DIP2A: variants seen among roughly 807,000 people sequenced by gnomAD.
DIP2A encodes DIP2 acetate--CoA ligase A, also known as disco-interacting protein 2 homolog A.
DIP2A carries 85 observed loss-of-function variants against 177.4 expected under a neutral mutation model. That is an observed-to-expected ratio of 0.48 (90% confidence interval 0.40 to 0.57). The LOEUF (loss-of-function observed/expected upper bound fraction) is 0.57, where lower values mean the gene tolerates loss of function less well. Ranked by LOEUF, DIP2A falls within the 20% of genes least tolerant of loss-of-function variation. The pLI is 0.00. For missense variants in DIP2A, 1,791 were observed against 2,100.2 expected (o/e 0.85, Z 2.88); for synonymous variants, 886 against 881.8 (o/e 1.00, Z -0.08).
intron 28 of DIP2A, chr21:46,555,402 TG>T (rs1466654509): frequency 4.7e-6 from 1 of 213,566 alleles, no homozygotes; most frequent in African/African-American, 2.3e-5. Flanking sequence ...CTGGGCTGGA[TG>T]GGGCTGGGCC....
At chr21:46,496,310 C>CA (rs532484767) in intron 3 of DIP2A, among the ~76,000 whole-genome samples, 3 of 152,146 alleles carry the variant, frequency 2.0e-5, no homozygotes, top group Non-Finnish European at 4.4e-5. Flanking sequence ...CCACAGGACT[C>CA]ACGAAGAATC....
At chr21:46,489,119 G>A (rs2056861017) in intron 2 of DIP2A, among the ~76,000 whole-genome samples, 1 of 152,178 alleles carries the variant, frequency 6.6e-6, no homozygotes, top group African/African-American at 2.4e-5. Flanking sequence ...GGGTGTGTGT[G>A]TGGATGTGTG....
At chr21:46,558,132 G>T in intron 31 of DIP2A, 91 bp from the exon 32 acceptor site, 1 of 1,362,634 alleles carries the variant, frequency 7.3e-7, no homozygotes, top group Non-Finnish European at 9.8e-7. Context: ...CCACCTCTGT[G>T]TGCCCACCCG....
chr21:46,503,047 G>A (rs1439417520), intron 5 of DIP2A, among the ~76,000 whole-genome samples: 1 of 151,982 alleles, frequency 6.6e-6, no homozygotes, highest in Non-Finnish European at 1.5e-5. Flanking sequence ...TTGTGGCCAG[G>A]CGCGGTGGAT....
In DIP2A at chr21:46,557,571, C is replaced by T; in HGVS notation, c.3630-14C>T. 6.3e-7 allele frequency: 1 copy of T among 1,596,314 alleles called. No individual in the cohort carries two copies. The highest frequency in any genetic ancestry group is 2.3e-5 in the East Asian group (1 of 44,318). Reference sequence around the variant, plus strand: ...GGTGGGCGGGCGGAGCCTCACGAGCCTTCCCTCTCGCAGTGTCTACTCGGG... The same window carrying T: ...GGTGGGCGGGCGGAGCCTCACGAGCTTTCCCTCTCGCAGTGTCTACTCGGG... On this transcript the variant is annotated splice_polypyrimidine_tract_variant and intron_variant, in intron 30 of 37. Coordinates refer to ENST00000417564, the MANE Select transcript of DIP2A (RefSeq NM_015151.4). The surrounding 1 kb of genome is among the most constrained non-coding windows in gnomAD (Gnocchi z 6.0).
rs1300884706 is a variant in DIP2A, at chr21:46,458,934, G to C, written c.-198G>C. 2 of 314,088 alleles carry C rather than the reference G, an allele frequency of 6.4e-6. No homozygotes were observed. Among genetic ancestry groups the C allele is most frequent in the Non-Finnish European group, 1.1e-5 (2 of 175,766 alleles). 19.5% of individuals were successfully genotyped at this position (314,088 alleles called of 1,614,324 possible). A position where few individuals can be genotyped will look rare whatever the true frequency, so the allele number is the denominator to read the frequency against. ...GCTCAGGAGCGCGCGGGGCAGCGGCGGCGCGGCGGAGCCATCCGCGCTCGT... is the reference window on the plus strand; with the variant it reads ...GCTCAGGAGCGCGCGGGGCAGCGGCCGCGCGGCGGAGCCATCCGCGCTCGT... On this transcript the variant is annotated 5_prime_UTR_variant, in exon 1 of 38. Transcript: ENST00000417564.
chr21:46,495,244 T>C (rs55881153), intron 3 of DIP2A, among the ~76,000 whole-genome samples: 2,826 of 35,382 alleles, frequency 0.08, 57 homozygotes, highest in East Asian at 0.11. Context: ...CTTCTCTTCT[T>C]TCTCTCTCTC....
In DIP2A at chr21:46,546,947, C is replaced by T. The variant is rs368275560; in HGVS notation, c.2427C>T (p.Asp809=). 3.4e-5 allele frequency: 55 copies of T among 1,613,814 alleles called. No homozygotes were observed. The highest frequency in any genetic ancestry group is 4.4e-5 in the South Asian group (4 of 91,064). The change falls in exon 21 of 38, where the codon GAC becomes GAT. Residue 809 remains aspartate (D), a synonymous_variant. Transcript: ENST00000417564. ...DNLVFIVGKL[D]GLMVTGVRRH... ...TGGTCTTCATCGTGGGCAAACTGGA[C>T]GGGCTGATGGTCACTGGAGTTCGCA...
rs1195535423 is a variant in DIP2A at position 46,504,615 on chromosome 21, A to AT, written c.784+127dup. ...CAAACGTCAGTTTTAATCCATGCAG[A>AT]TAAATAGAAACCAGTGTGTGCAGTT... On this transcript the variant is annotated intron_variant, in intron 6 of 37. Coordinates refer to ENST00000417564, the MANE Select transcript of DIP2A (RefSeq NM_015151.4). 6 of 1,162,580 alleles carry AT rather than the reference A, an allele frequency of 5.2e-6. No individual in the cohort carries two copies. In the African/African-American group the frequency reaches 9.3e-5, roughly 18 times the overall value. The allele number at this position is 1,162,580 out of a possible 1,614,324, so 72.0% of individuals were successfully genotyped here.
intron 9 of DIP2A, among the ~76,000 whole-genome samples, chr21:46,531,556 G>T (rs537859028): frequency 2.0e-5 from 3 of 152,306 alleles, no homozygotes; most frequent in Admixed American, 6.5e-5. Flanking sequence ...TTCTTACAAG[G>T]ATAAAGACTT....
intron 10 of DIP2A, among the ~76,000 whole-genome samples, chr21:46,533,204 C>G (rs1039324174): frequency 6.6e-6 from 1 of 152,118 alleles, no homozygotes; most frequent in Admixed American, 6.5e-5. Flanking sequence ...AATTTCAATG[C>G]CATTAACTTT....
intron 22 of DIP2A, 100 bp downstream of exon 22, chr21:46,549,985 C>T (rs1433068848): frequency 6.4e-7 from 1 of 1,561,838 alleles, no homozygotes; most frequent in Non-Finnish European, 8.6e-7. Context: ...GCCCGGTCCT[C>T]CCTGGCTCCA....
chr21:46,555,854 TC>T, intron 28 of DIP2A, 127 bp from the exon 29 acceptor site: 2 of 758,022 alleles, frequency 2.6e-6, no homozygotes, highest in Admixed American at 3.9e-5. Context: ...ACGGCCCCAC[TC>T]CCGTCTGAGC....
rs1400280807 is a variant in DIP2A at position 46,512,793 on chromosome 21, G to A, written c.1102+1179G>A. 2.1e-5 allele frequency among the ~76,000 whole-genome samples: 3 copies of A among 144,336 alleles called. No homozygotes were observed. The South Asian group carries it at 6.6e-4, about 32-fold the overall frequency. The allele number at this position is 144,336 out of a possible 152,430, so 94.7% of individuals were successfully genotyped here. Reference sequence around the variant, plus strand: ...CCATAGGCTCACATCACCACACCCAGCTAATTTAAAAAAAAAAACAAACAA... The same window carrying A: ...CCATAGGCTCACATCACCACACCCAACTAATTTAAAAAAAAAAACAAACAA... On this transcript the variant is annotated intron_variant, in intron 8 of 37. Coordinates refer to ENST00000417564, the MANE Select transcript of DIP2A (RefSeq NM_015151.4).
intron 1 of DIP2A, 57 bp from the exon 2 acceptor site, chr21:46,484,699 AT>A: frequency 6.9e-7 from 1 of 1,447,620 alleles, no homozygotes; most frequent in Non-Finnish European, 9.3e-7. Flanking sequence ...TTGATGTTTA[AT>A]TTTAAAATTT....
intron 8 of DIP2A, among the ~76,000 whole-genome samples, chr21:46,527,469 T>C (rs1025779735): frequency 6.6e-6 from 1 of 151,380 alleles, no homozygotes; most frequent in Non-Finnish European, 1.5e-5. Flanking sequence ...GGGATTACAG[T>C]GTGTGCCACC....
At chr21:46,472,882 T>C (rs962472433) in intron 1 of DIP2A, among the ~76,000 whole-genome samples, 2 of 152,232 alleles carry the variant, frequency 1.3e-5, no homozygotes, top group African/African-American at 4.8e-5. Context: ...TGGCACTGTT[T>C]AGAACTTTCT....
intron 8 of DIP2A, among the ~76,000 whole-genome samples, chr21:46,514,336 T>A (rs2058450423): frequency 6.6e-6 from 1 of 151,508 alleles, no homozygotes; most frequent in Non-Finnish European, 1.5e-5. Context: ...CTTGGCAGGC[T>A]GAGGCAGGAG....
rs370914828 is a variant in DIP2A at position 46,534,108 on chromosome 21, A to G, written c.1534A>G (p.Ile512Val). 3.7e-6 allele frequency: 6 copies of G among 1,611,886 alleles called. No individual in the cohort carries two copies. The highest frequency in any genetic ancestry group is 5.1e-6 in the Non-Finnish European group (6 of 1,178,102). Residue 512 changes from isoleucine to valine, a missense_variant, in exon 12 of 38, where the codon ATT becomes GTT. By Grantham distance (29) the Ile-to-Val change is conservative. Transcript: ENST00000417564. ...GGACACAGGGACTGGGACTGCCTAC[A>G]TTGAGGTAATGACTGTTCCTAACTT... is the stretch of plus-strand genomic sequence containing the variant. ...AQDTGTGTAY[I>V]EYKTSKEGST...
Sources: gnomAD v4.1 joint callset for allele counts (sites outside exome capture counted in the v4.1 genomes callset) on GRCh38, gnomAD v4.1.1 for gene constraint, Gnocchi (gnomAD v3.1) non-coding constraint, MANE v1.5 for transcripts, NCBI Gene and HGNC (gene_info 2026-07-23, HGNC 2026-07-21) for gene names.